Variants in CTNNA3 observed in about 807,000 individuals in gnomAD.
CTNNA3 encodes the protein catenin alpha-3.
CTNNA3 carries 76 observed loss-of-function variants against 95.7 expected under a neutral mutation model. The observed-to-expected ratio is 0.79, with a 90% CI of 0.66 to 0.96. The LOEUF is 0.96. CTNNA3 is among the 40% of genes least tolerant of loss of function. CTNNA3 has a pLI of 0.00. For synonymous variants in CTNNA3, 431 were observed against 374.4 expected (o/e 1.15, Z -1.74); for missense variants, 1,191 against 1,089.8 (o/e 1.09, Z -1.31).
intron 10 of CTNNA3, among the ~76,000 whole-genome samples, chr10:66,586,082 G>A (rs1843351683): frequency 6.6e-6 from 1 of 152,000 alleles, no homozygotes; most frequent in South Asian, 2.1e-4. Flanking sequence ...TCAGATGCCG[G>A]TTGTAGTGGC....
intron 1 of CTNNA3, among the ~76,000 whole-genome samples, chr10:67,726,939 C>T: frequency 8.9e-6 from 1 of 112,646 alleles, no homozygotes; most frequent in Non-Finnish European, 1.6e-5. Flanking sequence ...TATCATATAT[C>T]ATATATATTA....
chr10:66,521,104 C>T (rs1275078209), intron 10 of CTNNA3, among the ~76,000 whole-genome samples: 11 of 150,820 alleles, frequency 7.3e-5, no homozygotes, highest in Admixed American at 6.0e-4. Context: ...CATTCATCAT[C>T]GACAATAGGA....
At chr10:65,975,870 G>A (rs2078200014) in intron 16 of CTNNA3, among the ~76,000 whole-genome samples, 1 of 152,034 alleles carries the variant, frequency 6.6e-6, no homozygotes, top group South Asian at 2.1e-4. Context: ...TGCTTTCACT[G>A]AGTAACTTTC....
intron 3 of CTNNA3, among the ~76,000 whole-genome samples, chr10:67,572,956 G>T (rs1359635581): frequency 6.6e-6 from 1 of 152,070 alleles, no homozygotes; most frequent in African/African-American, 2.4e-5. Flanking sequence ...TGGCATGGTG[G>T]TGCACACCTA....
chr10:66,237,500 G>T (rs1239378831), intron 13 of CTNNA3, among the ~76,000 whole-genome samples: 1 of 151,600 alleles, frequency 6.6e-6, no homozygotes. Flanking sequence ...TTTGAAGCAT[G>T]ATTGGCTTCA....
chr10:66,990,770 T>C lies in CTNNA3; in HGVS notation c.1047+189547A>G, dbSNP rs188555959. Among the ~76,000 whole-genome samples the C allele has an allele frequency of 1.9e-4, 29 of 152,286 alleles. No individual in the cohort carries two copies. In the East Asian group the frequency reaches 3.3e-3, roughly 17 times the overall value. On this transcript the variant is annotated intron_variant, in intron 7 of 17. Transcript: ENST00000433211. ...TTTATGTCTCACTACTTGATAATGTTCATAAATTGAATTATGTAACCAAAA... is the reference window on the plus strand; with the variant it reads ...TTTATGTCTCACTACTTGATAATGTCCATAAATTGAATTATGTAACCAAAA...
chr10:67,716,437 A>G (rs1435223081), intron 1 of CTNNA3, among the ~76,000 whole-genome samples: 2 of 149,570 alleles, frequency 1.3e-5, no homozygotes, highest in African/African-American at 4.9e-5. Context: ...CCCATTATCT[A>G]CATTAGGTAT....
intron 7 of CTNNA3, among the ~76,000 whole-genome samples, chr10:66,800,799 T>A (rs747497811): frequency 1.3e-4 from 20 of 151,334 alleles, no homozygotes; most frequent in Non-Finnish European, 4.4e-5. Context: ...TTACAAGTAT[T>A]TTTATTTGCT....
intron 9 of CTNNA3, among the ~76,000 whole-genome samples, chr10:66,752,603 C>A (rs910216572): frequency 6.6e-6 from 1 of 152,006 alleles, no homozygotes; most frequent in Non-Finnish European, 1.5e-5. Context: ...ATTAAATGTT[C>A]TGCCATGGAC....
At chr10:67,708,539 T>C (rs1438089330) in intron 1 of CTNNA3, among the ~76,000 whole-genome samples, 2 of 152,174 alleles carry the variant, frequency 1.3e-5, no homozygotes, top group Admixed American at 1.3e-4. Flanking sequence ...GAACAGGGCT[T>C]TATTATACCA....
chr10:67,443,083 A>G (rs538014622), intron 5 of CTNNA3, among the ~76,000 whole-genome samples: 149 of 149,912 alleles, frequency 9.9e-4, no homozygotes, highest in African/African-American at 3.4e-3. Flanking sequence ...ACTGAGAATG[A>G]TGATTTCCAA....
chr10:66,621,492 C>T (rs572276482), intron 10 of CTNNA3, among the ~76,000 whole-genome samples, 200 bp downstream of exon 10: 2 of 151,238 alleles, frequency 1.3e-5, no homozygotes, highest in South Asian at 2.1e-4. Context: ...GGCATGGTGG[C>T]GCATGCCTGT....
chr10:67,584,901 C>A (rs1205513594), intron 3 of CTNNA3, among the ~76,000 whole-genome samples: 1 of 152,224 alleles, frequency 6.6e-6, no homozygotes. Context: ...GTGCCGTTTG[C>A]TAAGACCATT....
chr10:67,088,933 A>T (rs969696266), intron 7 of CTNNA3, among the ~76,000 whole-genome samples: 1 of 152,108 alleles, frequency 6.6e-6, no homozygotes, highest in Non-Finnish European at 1.5e-5. Flanking sequence ...AATAAAAAAT[A>T]ACAATACAAT....
At chr10:67,590,879 T>C (rs1842770332) in intron 3 of CTNNA3, among the ~76,000 whole-genome samples, 1 of 152,140 alleles carries the variant, frequency 6.6e-6, no homozygotes, top group Non-Finnish European at 1.5e-5. Context: ...AGTAGTAAGA[T>C]TTGAATTAGT....
At chr10:66,749,484 T>C (rs1839044732) in intron 9 of CTNNA3, among the ~76,000 whole-genome samples, 1 of 152,190 alleles carries the variant, frequency 6.6e-6, no homozygotes, top group Non-Finnish European at 1.5e-5. Context: ...TCAGATTGGC[T>C]TTTTTCACTT....
At chr10:67,432,163 T>G (rs1257440754) in intron 5 of CTNNA3, among the ~76,000 whole-genome samples, 1 of 151,926 alleles carries the variant, frequency 6.6e-6, no homozygotes, top group Non-Finnish European at 1.5e-5. Flanking sequence ...CTGGAACCAA[T>G]TAACTAAGCT....
chr10:67,679,518 T>C (rs1163372337), intron 1 of CTNNA3, among the ~76,000 whole-genome samples: 1 of 152,192 alleles, frequency 6.6e-6, no homozygotes, highest in Non-Finnish European at 1.5e-5. Context: ...AGGTAGAATT[T>C]AAAAAGTAAA....
intron 13 of CTNNA3, among the ~76,000 whole-genome samples, chr10:66,245,493 G>T (rs911169790): frequency 2.6e-5 from 4 of 152,202 alleles, no homozygotes; most frequent in African/African-American, 9.7e-5. Context: ...CCTGCAACAG[G>T]AGGAAATGAG....
Sources: allele counts gnomAD v4.1 joint callset (sites outside exome capture counted in the v4.1 genomes callset), GRCh38; gene constraint gnomAD v4.1.1; transcripts MANE v1.5; gene names NCBI Gene and HGNC (gene_info 2026-07-23, HGNC 2026-07-21).